RNGTT: variants seen among roughly 807,000 people sequenced by gnomAD.
The protein encoded by RNGTT is RNA guanylyltransferase and 5'-phosphatase.
A neutral mutation model predicts 79.3 loss-of-function variants in RNGTT; 33 were observed. The ratio of observed to expected loss-of-function variants is 0.42; its 90% CI spans 0.32 to 0.56. The LOEUF is 0.56. Ranked by LOEUF, RNGTT falls within the 20% of genes least tolerant of loss-of-function variation. RNGTT has a pLI of 0.17. For missense variants in RNGTT, 497 were observed against 739.1 expected (o/e 0.67, Z 3.80); for synonymous variants, 222 against 235.9 (o/e 0.94, Z 0.54).
chr6:88,859,106 C>T (rs1377316106), intron 8 of RNGTT, among the ~76,000 whole-genome samples: 1 of 152,006 alleles, frequency 6.6e-6, no homozygotes, highest in Non-Finnish European at 1.5e-5. Flanking sequence ...ATCCTCCCAC[C>T]TCAGCCTCCA....
At chr6:88,655,201 T>C (rs936500118) in intron 14 of RNGTT, among the ~76,000 whole-genome samples, 1 of 152,190 alleles carries the variant, frequency 6.6e-6, no homozygotes, top group Non-Finnish European at 1.5e-5. Context: ...AGATTCCAAA[T>C]AAATACTTTA....
chr6:88,946,903 C>A (rs1785035204), intron 1 of RNGTT, among the ~76,000 whole-genome samples: 1 of 130,138 alleles, frequency 7.7e-6, no homozygotes, highest in South Asian at 2.8e-4. Context: ...ACCTCGGCCT[C>A]CCGAGGTGCC....
At chr6:88,633,603 G>A (rs1772986858) in intron 14 of RNGTT, among the ~76,000 whole-genome samples, 1 of 152,120 alleles carries the variant, frequency 6.6e-6, no homozygotes, top group African/African-American at 2.4e-5. Context: ...TAAATGGCCT[G>A]GCACAGTAAG....
chr6:88,957,141 T>C (rs1208767577), intron 1 of RNGTT, among the ~76,000 whole-genome samples: 2 of 152,066 alleles, frequency 1.3e-5, no homozygotes, highest in African/African-American at 4.8e-5. Flanking sequence ...TTTGACAAAA[T>C]CCAGTATCCC....
intron 14 of RNGTT, among the ~76,000 whole-genome samples, chr6:88,669,075 C>T (rs1236433897): frequency 6.6e-6 from 1 of 152,146 alleles, no homozygotes; most frequent in Admixed American, 6.5e-5. Flanking sequence ...TTACTAACCC[C>T]CAGGATCCCC....
chr6:88,729,071 C>G (rs924971970), intron 13 of RNGTT, among the ~76,000 whole-genome samples: 1 of 152,180 alleles, frequency 6.6e-6, no homozygotes, highest in South Asian at 2.1e-4. Flanking sequence ...ATGCCAAGCT[C>G]GCTCTCTGCT....
intron 11 of RNGTT, among the ~76,000 whole-genome samples, chr6:88,836,526 G>T (rs1262330106): frequency 6.6e-6 from 1 of 152,132 alleles, no homozygotes; most frequent in Non-Finnish European, 1.5e-5. Context: ...CAGACTGCTT[G>T]AGCTCGGGAG....
intron 13 of RNGTT, among the ~76,000 whole-genome samples, chr6:88,707,832 A>C (rs1776187758): frequency 6.6e-6 from 1 of 151,798 alleles, no homozygotes; most frequent in Admixed American, 6.6e-5. Flanking sequence ...GATAAATGCT[A>C]TTACCCAAAG....
At chr6:88,853,819 T>C in intron 8 of RNGTT, 55 bp from the exon 9 acceptor site, 1 of 1,103,312 alleles carries the variant, frequency 9.1e-7, no homozygotes, top group Non-Finnish European at 1.3e-6. Flanking sequence ...AAGAACAGGG[T>C]CATGAGAAAT....
chr6:88,945,151 G>A (rs149679034), intron 1 of RNGTT, among the ~76,000 whole-genome samples: 17 of 152,172 alleles, frequency 1.1e-4, no homozygotes, highest in African/African-American at 3.1e-4. Context: ...TTTTGGCCAC[G>A]CTATCCCCAT....
intron 10 of RNGTT, among the ~76,000 whole-genome samples, chr6:88,849,498 G>A (rs1781595654): frequency 6.6e-6 from 1 of 151,788 alleles, no homozygotes; most frequent in African/African-American, 2.4e-5. Context: ...ATGAAATGCT[G>A]TCTTATTTTA....
At position 88,956,040 on chromosome 6, in the gene RNGTT, C is replaced by CAAAA. The variant is rs750272502; in HGVS notation, c.64+7302_64+7305dup. On this transcript the variant is annotated intron_variant, in intron 1 of 15. Coordinates refer to ENST00000369485, the MANE Select transcript of RNGTT (RefSeq NM_003800.5). ...TGGGTGACAGAGCGAGACTCTGTCT[C>CAAAA]AAAAAAAAAAAAAAAAAAAAAAAAG... Among the ~76,000 whole-genome samples the CAAAA allele has an allele frequency of 1.2e-3, 29 of 23,628 alleles. 1 individual carries two copies. Among genetic ancestry groups the CAAAA allele is most frequent in the African/African-American group, 4.3e-3 (29 of 6,794 alleles). 15.5% of individuals were successfully genotyped at this position (23,628 alleles called of 152,430 possible). A position where few individuals can be genotyped will look rare whatever the true frequency, so the allele number is the denominator to read the frequency against.
At chr6:88,945,414 CA>C (rs1191522517) in intron 1 of RNGTT, among the ~76,000 whole-genome samples, 2 of 152,220 alleles carry the variant, frequency 1.3e-5, no homozygotes, top group Non-Finnish European at 2.9e-5. Context: ...ATGTATCTGA[CA>C]ACTTCTTTCT....
chr6:88,807,760 A>C (rs1436259921), intron 11 of RNGTT, among the ~76,000 whole-genome samples: 4 of 152,112 alleles, frequency 2.6e-5, no homozygotes, highest in Non-Finnish European at 5.9e-5. Flanking sequence ...ATTTAAGAAA[A>C]ACAAAAAAAA....
intron 15 of RNGTT, among the ~76,000 whole-genome samples, chr6:88,613,575 T>TATC (rs1273451194): frequency 6.6e-6 from 1 of 152,198 alleles, no homozygotes; most frequent in Non-Finnish European, 1.5e-5. Context: ...TAGCTTATCA[T>TATC]ATCATCATCA....
intron 13 of RNGTT, among the ~76,000 whole-genome samples, chr6:88,720,926 T>A (rs1452290927): frequency 2.0e-5 from 3 of 152,054 alleles, no homozygotes; most frequent in African/African-American, 7.2e-5. Flanking sequence ...TCAAACCATG[T>A]TTTTTATGTT....
At chr6:88,830,977 G>A (rs1181318605) in intron 11 of RNGTT, among the ~76,000 whole-genome samples, 9 of 151,956 alleles carry the variant, frequency 5.9e-5, no homozygotes, top group East Asian at 1.9e-4. Context: ...GCCCAGGACC[G>A]GACAGATTCA....
At chr6:88,761,812 G>A (rs1225913632) in intron 13 of RNGTT, among the ~76,000 whole-genome samples, 1 of 152,092 alleles carries the variant, frequency 6.6e-6, no homozygotes, top group Non-Finnish European at 1.5e-5. Context: ...AAAAAGTGCT[G>A]ACCCTTGCTG....
intron 9 of RNGTT, among the ~76,000 whole-genome samples, chr6:88,853,023 C>T (rs1458733467): frequency 6.6e-6 from 1 of 152,178 alleles, no homozygotes; most frequent in Non-Finnish European, 1.5e-5. Context: ...ATATAACTAT[C>T]CATATGTATA....
Sources: allele counts gnomAD v4.1 joint callset (sites outside exome capture counted in the v4.1 genomes callset), GRCh38; gene constraint gnomAD v4.1.1; transcripts MANE v1.5; gene names NCBI Gene and HGNC (gene_info 2026-07-23, HGNC 2026-07-21).